Variants in SNED1 observed in about 807,000 individuals in gnomAD.
SNED1 encodes the protein sushi, nidogen and EGF like domains 1, also known as sushi, nidogen and EGF-like domain-containing protein 1.
In SNED1, 81 loss-of-function variants were observed where a neutral mutation model predicts 166.7. The observed-to-expected ratio is 0.49, with a 90% CI of 0.41 to 0.58. SNED1 has a LOEUF of 0.58. Ranked by LOEUF, SNED1 falls within the 20% of genes least tolerant of loss-of-function variation. The pLI is 0.00. For synonymous variants in SNED1, 762 were observed against 822.0 expected (o/e 0.93, Z 1.25); for missense variants, 1,604 against 2,000.2 (o/e 0.80, Z 3.78).
chr2:241,048,493 G>A (rs1226465718), intron 9 of SNED1, 53 bp downstream of exon 9: 8 of 1,551,554 alleles, frequency 5.2e-6, no homozygotes, highest in Non-Finnish European at 6.1e-6. Flanking sequence ...GGAGACCCAG[G>A]GAGGGCCTTC....
At chr2:241,089,624 G>A (rs1043099699) in intron 31 of SNED1, among the ~76,000 whole-genome samples, 2 of 152,084 alleles carry the variant, frequency 1.3e-5, no homozygotes, top group Non-Finnish European at 2.9e-5. Flanking sequence ...CTGTTGACTC[G>A]AGGGAATCAC....
upstream of SNED1, among the ~76,000 whole-genome samples, chr2:240,997,984 G>T (rs1439589352): frequency 6.6e-6 from 1 of 152,218 alleles, no homozygotes; most frequent in Non-Finnish European, 1.5e-5. Flanking sequence ...TGCCAAGGCC[G>T]GTGTCATGCA....
At chr2:241,070,286 G>A in intron 24 of SNED1, 85 bp downstream of exon 24, 1 of 1,373,986 alleles carries the variant, frequency 7.3e-7, no homozygotes, top group Non-Finnish European at 9.7e-7. Context: ...CCCTGCAGGG[G>A]CCTGGGATGC....
chr2:241,055,507 T>C (rs2062015742), intron 16 of SNED1, among the ~76,000 whole-genome samples: 1 of 152,156 alleles, frequency 6.6e-6, no homozygotes, highest in Non-Finnish European at 1.5e-5. Flanking sequence ...GTGTAGACAG[T>C]CACAGAATAC....
At chr2:241,063,918 C>A in intron 18 of SNED1, 94 bp from the exon 19 acceptor site, 1 of 1,016,860 alleles carries the variant, frequency 9.8e-7, no homozygotes. Flanking sequence ...GCCTCCGCCC[C>A]TAGACTCCTC....
At chr2:241,005,833 A>G (rs939143725) in intron 1 of SNED1, among the ~76,000 whole-genome samples, 4 of 152,022 alleles carry the variant, frequency 2.6e-5, no homozygotes, top group Admixed American at 2.6e-4. Flanking sequence ...TCTTTTTATC[A>G]CTGCTTTTCA....
chr2:241,069,096 C>G lies in SNED1; in HGVS notation c.3307+73C>G. On this transcript the variant is annotated intron_variant, in intron 23 of 31. Transcript: ENST00000310397. This position sits in a 1 kb window ranked among gnomAD's most constrained non-coding sequence, Gnocchi z 4.9. ...AAGCTCTGGCTTCCTTCCAGCCTCC[C>G]CTAGTCCTCTCCAAAGCGTCCACAA... The G allele has an allele frequency of 1.9e-6, 2 of 1,034,746 alleles. No homozygotes were observed. Among genetic ancestry groups the G allele is most frequent in the Non-Finnish European group, 2.8e-6 (2 of 709,014 alleles). The allele number at this position is 1,034,746 out of a possible 1,614,324, so 64.1% of individuals were successfully genotyped here. A position where few individuals can be genotyped will look rare whatever the true frequency, so the allele number is the denominator to read the frequency against.
chr2:241,070,689 C>T (rs971347531), intron 24 of SNED1, among the ~76,000 whole-genome samples: 2 of 152,170 alleles, frequency 1.3e-5, no homozygotes, highest in South Asian at 2.1e-4. Flanking sequence ...ACAGATGCTC[C>T]GAAGGGCTCA....
rs1218116345 is a variant in SNED1 at position 241,094,554 on chromosome 2, A to G, written c.*2918A>G. The G allele has an allele frequency of 2.7e-6, 1 of 364,636 alleles. No homozygotes were observed. The highest frequency in any genetic ancestry group is 2.2e-5 in the African/African-American group (1 of 46,496). The allele number at this position is 364,636 out of a possible 1,614,324, so 22.6% of individuals were successfully genotyped here. ...AACCCGGCTGAAAAACCAGCTCCTT[A>G]TTTTTCTTTTAAATAAAATAATACG... On this transcript the variant is annotated 3_prime_UTR_variant, in exon 32 of 32. Transcript: ENST00000310397. The surrounding 1 kb of genome is among the most constrained non-coding windows in gnomAD (Gnocchi z 4.3).
At chr2:241,080,326 A>T (rs965905453) in intron 27 of SNED1, among the ~76,000 whole-genome samples, 7 of 152,214 alleles carry the variant, frequency 4.6e-5, no homozygotes, top group Non-Finnish European at 1.0e-4. Context: ...GATTCTGTTA[A>T]TTTGAAATGG....
intron 2 of SNED1, chr2:241,033,481 A>G (rs58384801): frequency 0.049 from 22,859 of 466,742 alleles, 2,324 homozygotes; most frequent in African/African-American, 0.29. Flanking sequence ...CCCCGCACCC[A>G]CCCCAGGTGT....
intron 8 of SNED1, among the ~76,000 whole-genome samples, chr2:241,044,833 C>T (rs939179045): frequency 1.3e-5 from 2 of 152,088 alleles, no homozygotes; most frequent in Non-Finnish European, 2.9e-5. Context: ...TGGTCCCAGC[C>T]ATGAATGCCA....
At chr2:241,040,511 C>A in intron 8 of SNED1, 98 bp downstream of exon 8, 1 of 744,084 alleles carries the variant, frequency 1.3e-6, no homozygotes, top group Non-Finnish European at 2.2e-6. Context: ...TGCCATCTGA[C>A]TCACCTCACA....
At chr2:241,056,706 G>A (rs969497047) in intron 16 of SNED1, among the ~76,000 whole-genome samples, 1 of 149,196 alleles carries the variant, frequency 6.7e-6, no homozygotes, top group East Asian at 2.0e-4. Flanking sequence ...TCAGCCTCCC[G>A]AGTAGCTGGG....
intron 1 of SNED1, among the ~76,000 whole-genome samples, chr2:241,003,121 C>T (rs796607015): frequency 6.8e-6 from 1 of 146,962 alleles, no homozygotes; most frequent in Non-Finnish European, 1.5e-5. Flanking sequence ...CCTCCGCCCT[C>T]CCCCGGGCCC....
In SNED1 at chr2:241,075,104, C is replaced by G. The variant is rs2062957607; in HGVS notation, c.3916+1740C>G. ...GGCGGCTGCGGCTTATTCACACCTA[C>G]TATTGAGCACAGAGTCCACTGAGTG... On this transcript the variant is annotated intron_variant, in intron 27 of 31. Coordinates refer to ENST00000310397, the MANE Select transcript of SNED1 (RefSeq NM_001080437.3). This position sits in a 1 kb window ranked among gnomAD's most constrained non-coding sequence, Gnocchi z 4.8. 6.6e-6 allele frequency: 1 copy of G among 152,222 alleles called. No individual in the cohort carries two copies. Among genetic ancestry groups the G allele is most frequent in the Non-Finnish European group, 1.5e-5 (1 of 68,044 alleles). 9.4% of individuals were successfully genotyped at this position (152,222 alleles called of 1,614,324 possible). A position where few individuals can be genotyped will look rare whatever the true frequency, so the allele number is the denominator to read the frequency against.
At chr2:241,080,301 T>C (rs978015794) in intron 27 of SNED1, among the ~76,000 whole-genome samples, 4 of 151,846 alleles carry the variant, frequency 2.6e-5, no homozygotes, top group African/African-American at 7.3e-5. Context: ...ATAAATAAAA[T>C]CTTGTTTGTC....
intron 1 of SNED1, among the ~76,000 whole-genome samples, chr2:241,026,341 T>C (rs2060969828): frequency 6.6e-6 from 1 of 152,200 alleles, no homozygotes; most frequent in Non-Finnish European, 1.5e-5. Flanking sequence ...AGCTAGTGAA[T>C]CAGTGGGATT....
intron 27 of SNED1, 86 bp from the exon 28 acceptor site, chr2:241,081,590 GT>G: frequency 1.0e-6 from 1 of 1,001,834 alleles, no homozygotes. Context: ...CCTGCATCAG[GT>G]CATCAAGGAA....
Sources: gnomAD v4.1 joint callset for allele counts (sites outside exome capture counted in the v4.1 genomes callset) on GRCh38, gnomAD v4.1.1 for gene constraint, Gnocchi (gnomAD v3.1) non-coding constraint, MANE v1.5 for transcripts, NCBI Gene and HGNC (gene_info 2026-07-23, HGNC 2026-07-21) for gene names.